The following DAAM1 variants were observed in gnomAD, a reference collection of about 807,000 sequenced individuals.
DAAM1 encodes dishevelled associated activator of morphogenesis 1.
DAAM1 carries 52 observed loss-of-function variants against 130.0 expected under a neutral mutation model. The ratio of observed to expected loss-of-function variants is 0.40; its 90% CI spans 0.32 to 0.50. DAAM1 has a LOEUF of 0.50. Among genes scored for constraint, DAAM1 ranks in the 20% least tolerant of loss-of-function variants. The probability of loss-of-function intolerance (pLI) is 0.61; values close to 1 mark genes in which losing one functional copy is unlikely to be tolerated. For synonymous variants in DAAM1, 452 were observed against 444.5 expected, an observed-to-expected ratio of 1.02 and a Z score of -0.21; for missense variants, 1,134 against 1,303.8, an observed-to-expected ratio of 0.87 and a Z score of 2.01.
chr14:59,239,494 C>T (rs780815149), intron 1 of DAAM1, among the ~76,000 whole-genome samples: 18 of 152,214 alleles, frequency 1.2e-4, no homozygotes, highest in Non-Finnish European at 2.1e-4. Flanking sequence ...AGTCCAGGTT[C>T]TCCATCGGTT....
intron 20 of DAAM1, chr14:59,357,221 A>C (rs1351987560): frequency 6.6e-6 from 1 of 152,276 alleles, no homozygotes; most frequent in African/African-American, 2.4e-5. Context: ...TAATGCAATT[A>C]ATTGAAATGT....
At chr14:59,206,152 G>T (rs912571099) in intron 1 of DAAM1, among the ~76,000 whole-genome samples, 2 of 152,034 alleles carry the variant, frequency 1.3e-5, no homozygotes, top group East Asian at 3.9e-4. Context: ...ACTGCACCTG[G>T]CCCTCAAAGT....
chr14:59,266,232 G>T (rs764627100), intron 2 of DAAM1: 1 of 149,420 alleles, frequency 6.7e-6, no homozygotes, highest in Non-Finnish European at 1.5e-5. Context: ...CCCTCAAGTT[G>T]GTGTTTGGAT....
At chr14:59,322,792 G>C (rs926057579) in intron 5 of DAAM1, 100 bp from the exon 6 acceptor site, 1 of 968,222 alleles carries the variant, frequency 1.0e-6, no homozygotes, top group Non-Finnish European at 1.6e-6. Context: ...TGGCACTTTA[G>C]GAACTAAATC....
At chr14:59,273,003 C>T (rs1455342154) in intron 2 of DAAM1, among the ~76,000 whole-genome samples, 5 of 152,146 alleles carry the variant, frequency 3.3e-5, no homozygotes, top group African/African-American at 1.2e-4. Context: ...TGCTGTACTT[C>T]TGAATAGAAC....
Position 59,330,711 on chromosome 14 carries a change from C to G in DAAM1, c.1560+23C>G, listed in dbSNP as rs745885562. 8 of 1,577,590 alleles carry G rather than the reference C, an allele frequency of 5.1e-6. No individual in the cohort carries two copies. In the East Asian group the frequency reaches 6.8e-5, roughly 13 times the overall value. On this transcript the variant is annotated intron_variant, in intron 13 of 24. Transcript: ENST00000360909. ...AGGGTGAGGTCTTCCGCTCAGCTCA[C>G]GGGCAGCTGCCAAGGCCTCACTGAC...
chr14:59,250,968 G>A (rs1430993346), intron 1 of DAAM1, among the ~76,000 whole-genome samples: 4 of 152,112 alleles, frequency 2.6e-5, no homozygotes, highest in Non-Finnish European at 5.9e-5. Context: ...TGGGCATAGG[G>A]TTCTTTAGCA....
At chr14:59,288,427 T>G (rs1366210279) in intron 2 of DAAM1, among the ~76,000 whole-genome samples, 2 of 152,180 alleles carry the variant, frequency 1.3e-5, no homozygotes, top group Non-Finnish European at 2.9e-5. Context: ...AAGTGGGACC[T>G]GATTAAACAG....
intron 3 of DAAM1, among the ~76,000 whole-genome samples, chr14:59,309,116 A>G (rs1884479043): frequency 6.6e-6 from 1 of 152,202 alleles, no homozygotes; most frequent in Admixed American, 6.5e-5. Flanking sequence ...AAAGTTAGGT[A>G]TTGGAGGGAA....
intron 12 of DAAM1, among the ~76,000 whole-genome samples, chr14:59,328,445 G>A (rs1466832743): frequency 6.6e-6 from 1 of 152,176 alleles, no homozygotes; most frequent in African/African-American, 2.4e-5. Context: ...TGCAGGTTGA[G>A]GAGAGCACTT....
At chr14:59,200,371 C>T (rs1011174627) in intron 1 of DAAM1, among the ~76,000 whole-genome samples, 4 of 152,150 alleles carry the variant, frequency 2.6e-5, no homozygotes, top group African/African-American at 7.2e-5. Flanking sequence ...GAAAAAAAAC[C>T]TTAAGCTTTA....
Position 59,331,283 on chromosome 14 carries a change from T to A in DAAM1, c.1635T>A (p.Pro545=). 6.2e-7 allele frequency: 1 copy of A among 1,612,844 alleles called. No individual in the cohort carries two copies. The highest frequency in any genetic ancestry group is 8.5e-7 in the Non-Finnish European group (1 of 1,179,978). Residue 545 remains proline, a synonymous_variant, in exon 14 of 25, where the codon CCT becomes CCA. Transcript: ENST00000360909. The part of the protein sequence containing the change: ...APGGPFPSSV[P]GSLLPPPPPP... ...GAGGGCCCTTTCCTTCCTCTGTGCC[T>A]GGATCTCTCCTTCCTCCCCCACCAC...
At chr14:59,326,869 G>T in intron 11 of DAAM1, 64 bp from the exon 12 acceptor site, 1 of 1,596,390 alleles carries the variant, frequency 6.3e-7, no homozygotes, top group South Asian at 1.1e-5. Context: ...TACCTGGGGA[G>T]AATGCAGTTA....
At chr14:59,346,747 A>G (rs1886096139) in intron 16 of DAAM1, among the ~76,000 whole-genome samples, 1 of 152,226 alleles carries the variant, frequency 6.6e-6, no homozygotes, top group South Asian at 2.1e-4. Context: ...TTAACATTAT[A>G]TTTTATATTT....
At chr14:59,310,881 A>C (rs7149497) in intron 3 of DAAM1, among the ~76,000 whole-genome samples, 43,520 of 152,064 alleles carry the variant, frequency 0.29, 7,421 homozygotes, top group East Asian at 0.56. Flanking sequence ...TGGTCTAGCG[A>C]ACAACCGCAG....
chr14:59,229,806 C>T (rs1226712086), intron 1 of DAAM1, among the ~76,000 whole-genome samples: 1 of 152,200 alleles, frequency 6.6e-6, no homozygotes, highest in East Asian at 1.9e-4. Context: ...AGAGGCACTT[C>T]AGTGAAGGCA....
chr14:59,332,581 C>T (rs553393198), intron 15 of DAAM1, among the ~76,000 whole-genome samples: 3 of 152,338 alleles, frequency 2.0e-5, no homozygotes, highest in African/African-American at 7.2e-5. Context: ...TCCACATTGA[C>T]AAGGCATCAC....
At chr14:59,331,534 T>A in intron 14 of DAAM1, 26 bp downstream of exon 14, 1 of 1,556,192 alleles carries the variant, frequency 6.4e-7, no homozygotes. Flanking sequence ...CAGTTTTCCC[T>A]TTAATGGATA....
At chr14:59,290,102 C>T (rs1883675135) in intron 2 of DAAM1, among the ~76,000 whole-genome samples, 1 of 151,812 alleles carries the variant, frequency 6.6e-6, no homozygotes, top group African/African-American at 2.4e-5. Flanking sequence ...ATGTAACAAA[C>T]CTGCACATGT....
Sources: allele counts gnomAD v4.1 joint callset (sites outside exome capture counted in the v4.1 genomes callset), GRCh38; gene constraint gnomAD v4.1.1; transcripts MANE v1.5; gene names NCBI Gene and HGNC (gene_info 2026-07-23, HGNC 2026-07-21).